RUFY1: variants seen among roughly 807,000 people sequenced by gnomAD.
RUFY1 encodes RUN and FYVE domain containing 1, also known as RUN and FYVE domain-containing protein 1.
Under a neutral mutation model 94.6 loss-of-function variants are expected in RUFY1, and 54 were observed. The observed-to-expected ratio is 0.57, with a 90% CI of 0.46 to 0.72. The LOEUF is 0.72. RUFY1 is among the 30% of genes least tolerant of loss of function. RUFY1 has a pLI of 0.00. For missense variants in RUFY1, 883 were observed against 883.9 expected (o/e 1.00, Z 0.01); for synonymous variants, 396 against 347.3 (o/e 1.14, Z -1.56).
intron 3 of RUFY1, among the ~76,000 whole-genome samples, chr5:179,565,096 A>T (rs541572772): frequency 1.3e-5 from 2 of 148,308 alleles, no homozygotes; most frequent in Non-Finnish European, 3.0e-5. Flanking sequence ...ATTAGTGTAT[A>T]GGGGAGGGGG....
At chr5:179,607,775 G>GCCCATCTGCCACAGTCAGC in intron 17 of RUFY1, 116 bp downstream of exon 17, 1 of 850,716 alleles carries the variant, frequency 1.2e-6, no homozygotes, top group Non-Finnish European at 1.9e-6. Context: ...TGACTGTGCT[G>GCCCATCTGCCACAGTCAGC]ACTGTGGCAG....
chr5:179,588,804 C>A (rs1174920619), intron 8 of RUFY1, among the ~76,000 whole-genome samples: 1 of 152,160 alleles, frequency 6.6e-6, no homozygotes, highest in Non-Finnish European at 1.5e-5. Context: ...GATCTCAGCT[C>A]ACTGCAACCT....
chr5:179,553,425 AAG>A (rs758350815), intron 1 of RUFY1, among the ~76,000 whole-genome samples: 1 of 152,180 alleles, frequency 6.6e-6, no homozygotes, highest in African/African-American at 2.4e-5. Flanking sequence ...CTATTTTATA[AAG>A]AGAGTATTAA....
chr5:179,601,295 A>G (rs12516518), intron 14 of RUFY1, among the ~76,000 whole-genome samples: 100,535 of 151,402 alleles, frequency 0.66, 33,953 homozygotes, highest in East Asian at 0.84. Flanking sequence ...CAGCCTCCCA[A>G]GTAGCTGGGA....
At chr5:179,565,838 G>A (rs1219918091) in intron 3 of RUFY1, among the ~76,000 whole-genome samples, 2 of 152,024 alleles carry the variant, frequency 1.3e-5, no homozygotes, top group African/African-American at 4.8e-5. Context: ...TCATCAAATT[G>A]CCACTAGAAA....
intron 14 of RUFY1, among the ~76,000 whole-genome samples, chr5:179,599,836 C>T (rs981977709): frequency 1.3e-5 from 2 of 152,266 alleles, no homozygotes; most frequent in Non-Finnish European, 2.9e-5. Flanking sequence ...CCCGGAGGGG[C>T]CTTCAGGGCC....
At chr5:179,569,270 G>A in intron 4 of RUFY1, 32 bp from the exon 5 acceptor site, 1 of 1,613,506 alleles carries the variant, frequency 6.2e-7, no homozygotes. Flanking sequence ...AGCTGTTTCT[G>A]AGCATCGCCC....
Position 179,576,421 on chromosome 5 carries a change from C to T in RUFY1, c.829-654C>T, listed in dbSNP as rs142282953. 4.2e-4 allele frequency among the ~76,000 whole-genome samples: 64 copies of T among 152,014 alleles called. No homozygotes were observed. In the East Asian group the frequency reaches 0.012, roughly 28 times the overall value. ...GTTAAGGTCACCACTTTATTTTTAT[C>T]TTATTTTATTTTATTTTGAGATGAA... On this transcript the variant is annotated intron_variant, in intron 5 of 17. Transcript: ENST00000319449.
intron 5 of RUFY1, among the ~76,000 whole-genome samples, chr5:179,570,683 A>G (rs1027786249): frequency 1.3e-5 from 2 of 152,114 alleles, no homozygotes; most frequent in African/African-American, 4.8e-5. Context: ...TACCTAGCAA[A>G]ATTCCCAGCC....
At chr5:179,555,074 C>T (rs1762042330) in intron 1 of RUFY1, among the ~76,000 whole-genome samples, 1 of 152,186 alleles carries the variant, frequency 6.6e-6, no homozygotes, top group African/African-American at 2.4e-5. Flanking sequence ...CCTCTCTCAA[C>T]ACTGGCTGTT....
chr5:179,605,543 G>A (rs964641678), intron 15 of RUFY1, among the ~76,000 whole-genome samples: 4 of 152,180 alleles, frequency 2.6e-5, no homozygotes, highest in Non-Finnish European at 4.4e-5. Flanking sequence ...GTAGAGACTA[G>A]TGCAGAACAG....
rs1350321642 is a variant in RUFY1 at position 179,579,597 on chromosome 5, A to C, written c.891-1350A>C. Among the ~76,000 whole-genome samples the C allele has an allele frequency of 2.7e-5, 4 of 146,754 alleles. No individual in the cohort carries two copies. In the South Asian group the frequency reaches 6.6e-4, roughly 24 times the overall value. ...TCCATCTGCCTCAGCCTCCCAAAGT[A>C]CTGGGATTACAGGCATGAGCCACTG... is the stretch of plus-strand genomic sequence containing the variant. On this transcript the variant is annotated intron_variant, in intron 6 of 17. Coordinates refer to ENST00000319449, the MANE Select transcript of RUFY1 (RefSeq NM_025158.5).
At chr5:179,555,532 C>G (rs1295199651) in intron 1 of RUFY1, 1 of 298,406 alleles carries the variant, frequency 3.4e-6, no homozygotes, top group Non-Finnish European at 6.7e-6. Flanking sequence ...GCCAGCAGCA[C>G]TTCCAGAGAC....
chr5:179,599,080 G>A (rs1320075424), intron 14 of RUFY1, among the ~76,000 whole-genome samples: 1 of 152,366 alleles, frequency 6.6e-6, no homozygotes, highest in Non-Finnish European at 1.5e-5. Context: ...CGTGTGCAAG[G>A]GGCCTGGGGA....
intron 2 of RUFY1, among the ~76,000 whole-genome samples, chr5:179,561,076 T>C (rs1295038747): frequency 1.3e-5 from 2 of 151,996 alleles, no homozygotes; most frequent in East Asian, 3.9e-4. Context: ...CCGGGCGTGG[T>C]GGCGCATGCC....
intron 5 of RUFY1, chr5:179,572,880 T>G (rs911277406): frequency 6.6e-6 from 1 of 152,250 alleles, no homozygotes; most frequent in Admixed American, 6.5e-5. Context: ...ACCTGGGTAA[T>G]TTTTTACACA....
chr5:179,585,639 T>G (rs1764547234), intron 7 of RUFY1, among the ~76,000 whole-genome samples, 157 bp from the exon 8 acceptor site: 1 of 152,164 alleles, frequency 6.6e-6, no homozygotes, highest in Admixed American at 6.5e-5. Flanking sequence ...ATGTTGCAAA[T>G]GTATATTTAG....
At chr5:179,567,283 C>T (rs1304143109) in intron 3 of RUFY1, among the ~76,000 whole-genome samples, 178 bp from the exon 4 acceptor site, 1 of 152,166 alleles carries the variant, frequency 6.6e-6, no homozygotes. Flanking sequence ...TGTGGTGAGC[C>T]ATTTTCGCTG....
At chr5:179,561,599 C>A (rs987459610) in intron 2 of RUFY1, among the ~76,000 whole-genome samples, 7 of 150,268 alleles carry the variant, frequency 4.7e-5, no homozygotes, top group Non-Finnish European at 1.0e-4. Context: ...AAAAATAAAT[C>A]CTTGATTTTG....
Sources: gnomAD v4.1 joint callset for allele counts (sites outside exome capture counted in the v4.1 genomes callset) on GRCh38, gnomAD v4.1.1 for gene constraint, MANE v1.5 for transcripts, NCBI Gene and HGNC (gene_info 2026-07-23, HGNC 2026-07-21) for gene names.